The following DRC11 variants were observed in gnomAD, a reference collection of about 807,000 sequenced individuals.
The protein encoded by DRC11 is IQ and AAA domain-containing protein 1.
the DRC11 span, among the ~76,000 whole-genome samples, chr2:236,430,631 A>G: frequency 6.6e-6 from 1 of 152,234 alleles, no homozygotes; most frequent in African/African-American, 2.4e-5. The surrounding 1 kb of genome is among the most constrained non-coding windows in gnomAD (Gnocchi z 6.0). Flanking sequence ...CATTGTTGCC[A>G]TGAATAAATG....
the DRC11 span, among the ~76,000 whole-genome samples, chr2:236,343,469 GAC>G: frequency 6.6e-6 from 1 of 152,208 alleles, no homozygotes; most frequent in African/African-American, 2.4e-5. The surrounding 1 kb of genome is among the most constrained non-coding windows in gnomAD (Gnocchi z 6.6). Flanking sequence ...CTTGTTTAAG[GAC>G]ACACAGCCAG....
the DRC11 span, among the ~76,000 whole-genome samples, chr2:236,480,253 C>T: frequency 2.0e-5 from 3 of 152,162 alleles, no homozygotes; most frequent in East Asian, 5.8e-4. Context: ...GATCTCTAAC[C>T]TTCCTATACT....
chr2:236,347,508 C>CCATATATATATATATATA, the DRC11 span, among the ~76,000 whole-genome samples: 1 of 107,494 alleles, frequency 9.3e-6, no homozygotes, highest in Non-Finnish European at 2.2e-5. Flanking sequence ...AAAAACTGTG[C>CCATATATATATATATATA]TATATATATA....
chr2:236,357,511 T>A, the DRC11 span, among the ~76,000 whole-genome samples: 2 of 127,108 alleles, frequency 1.6e-5, no homozygotes, highest in South Asian at 2.3e-4. Flanking sequence ...TTACATATTA[T>A]AAATATATTT....
chr2:236,336,039 A>G, the DRC11 span, among the ~76,000 whole-genome samples: 1 of 152,050 alleles, frequency 6.6e-6, no homozygotes, highest in Non-Finnish European at 1.5e-5. The surrounding 1 kb of genome is among the most constrained non-coding windows in gnomAD (Gnocchi z 7.3). Context: ...GCTTCTTTGG[A>G]TGCTGGCCAG....
the DRC11 span, among the ~76,000 whole-genome samples, chr2:236,437,066 T>C: frequency 6.7e-6 from 1 of 149,044 alleles, no homozygotes; most frequent in Non-Finnish European, 1.5e-5. Context: ...GCATTAGGTA[T>C]ATCTCCCAAT....
At chr2:236,399,700 C>T in the DRC11 span, among the ~76,000 whole-genome samples, 25 of 152,154 alleles carry the variant, frequency 1.6e-4, no homozygotes, top group Admixed American at 1.2e-3. The surrounding 1 kb of genome is among the most constrained non-coding windows in gnomAD (Gnocchi z 7.0). Flanking sequence ...CTGCTGATAC[C>T]GGCTTTCTCT....
At chr2:236,343,764 C>G in the DRC11 span, 1 of 1,302,998 alleles carries the variant, frequency 7.7e-7, no homozygotes, top group Non-Finnish European at 1.0e-6. This position sits in a 1 kb window ranked among gnomAD's most constrained non-coding sequence, Gnocchi z 6.6. Context: ...AGGGAGTGAA[C>G]TACAAGAGTC....
At chr2:236,366,968 C>G in the DRC11 span, among the ~76,000 whole-genome samples, 1 of 143,188 alleles carries the variant, frequency 7.0e-6, no homozygotes, top group African/African-American at 2.7e-5. Flanking sequence ...TGCCACCACA[C>G]CCGGCTATTT....
chr2:236,448,184 A>T, the DRC11 span, among the ~76,000 whole-genome samples: 23 of 152,310 alleles, frequency 1.5e-4, no homozygotes, highest in Middle Eastern at 6.8e-3. The surrounding 1 kb of genome is among the most constrained non-coding windows in gnomAD (Gnocchi z 5.3). Context: ...AAAGCTTAAC[A>T]TCCCCCTTTT....
At chr2:236,321,576 C>T in the DRC11 span, among the ~76,000 whole-genome samples, 7 of 147,960 alleles carry the variant, frequency 4.7e-5, no homozygotes, top group Non-Finnish European at 9.0e-5. Context: ...TTGGCTCTGG[C>T]GGACTTTGCA....
the DRC11 span, among the ~76,000 whole-genome samples, chr2:236,500,082 A>AGATGAT: frequency 0.044 from 6,605 of 150,564 alleles, 200 homozygotes; most frequent in East Asian, 0.13. This position sits in a 1 kb window ranked among gnomAD's most constrained non-coding sequence, Gnocchi z 6.3. Flanking sequence ...TTTTGGGTTC[A>AGATGAT]GATGATGATG....
chr2:236,357,728 A>C, the DRC11 span, among the ~76,000 whole-genome samples: 1 of 126,634 alleles, frequency 7.9e-6, no homozygotes, highest in Non-Finnish European at 1.5e-5. Flanking sequence ...ATAATATATA[A>C]ATATACATAT....
At chr2:236,368,094 A>G in the DRC11 span, 36 of 760,688 alleles carry the variant, frequency 4.7e-5, 1 homozygote, top group Non-Finnish European at 7.2e-5. Context: ...AAAGTTAAGG[A>G]GCACTGTACT....
At chr2:236,377,349 T>C in the DRC11 span, among the ~76,000 whole-genome samples, 3 of 152,236 alleles carry the variant, frequency 2.0e-5, no homozygotes, top group Non-Finnish European at 4.4e-5. The surrounding 1 kb of genome is among the most constrained non-coding windows in gnomAD (Gnocchi z 4.9). Context: ...AATTTGGGGA[T>C]AAATTAGGCT....
the DRC11 span, among the ~76,000 whole-genome samples, chr2:236,448,357 C>A: frequency 6.6e-6 from 1 of 152,136 alleles, no homozygotes; most frequent in African/African-American, 2.4e-5. The surrounding 1 kb of genome is among the most constrained non-coding windows in gnomAD (Gnocchi z 5.3). Flanking sequence ...AAGGAATGTG[C>A]CACTTAGTAT....
At chr2:236,421,968 C>T in the DRC11 span, among the ~76,000 whole-genome samples, 1 of 152,294 alleles carries the variant, frequency 6.6e-6, no homozygotes, top group Admixed American at 6.5e-5. Context: ...ATATGATTAT[C>T]TCAATAGATG....
At chr2:236,357,537 A>G in the DRC11 span, among the ~76,000 whole-genome samples, 1 of 127,408 alleles carries the variant, frequency 7.8e-6, no homozygotes, top group Non-Finnish European at 1.5e-5. Context: ...TTATGAATAT[A>G]ATTTATATAT....
chr2:236,317,223 G>C, the DRC11 span, among the ~76,000 whole-genome samples: 1 of 152,000 alleles, frequency 6.6e-6, no homozygotes, highest in Non-Finnish European at 1.5e-5. This position sits in a 1 kb window ranked among gnomAD's most constrained non-coding sequence, Gnocchi z 5.4. Context: ...TTGAACCTGG[G>C]AGACAGAGAT....
Sources: allele counts gnomAD v4.1 joint callset (sites outside exome capture counted in the v4.1 genomes callset), GRCh38; gene constraint gnomAD v4.1.1; non-coding constraint Gnocchi (gnomAD v3.1); transcripts MANE v1.5; gene names NCBI Gene and HGNC (gene_info 2026-07-23, HGNC 2026-07-21).